GATC: variants seen among roughly 807,000 people sequenced by gnomAD.
GATC encodes the protein glutamyl-tRNA amidotransferase subunit C.
In GATC, 11 loss-of-function variants were observed where a neutral mutation model predicts 14.4. That is an observed-to-expected ratio of 0.77 (90% CI 0.48 to 1.27). The LOEUF (loss-of-function observed/expected upper bound fraction) is 1.27. Ranked by LOEUF, GATC falls within the 50% of genes most tolerant of loss-of-function variation. The probability of loss-of-function intolerance (pLI) is 0.00; values close to 1 mark genes in which losing one functional copy is unlikely to be tolerated. For synonymous variants in GATC, 76 were observed against 79.3 expected (o/e 0.96, Z 0.22); for missense variants, 204 against 183.0 (o/e 1.11, Z -0.66).
intron 2 of GATC, among the ~76,000 whole-genome samples, chr12:120,451,468 G>A (rs956870503): frequency 2.7e-5 from 4 of 148,600 alleles, no homozygotes; most frequent in Admixed American, 1.4e-4. Context: ...AAGGCTGGGC[G>A]TGGTGTTTCA....
chr12:120,457,851 C>A (rs1878229221), intron 3 of GATC, among the ~76,000 whole-genome samples: 1 of 152,128 alleles, frequency 6.6e-6, no homozygotes, highest in South Asian at 2.1e-4. Context: ...AGGTGATCCA[C>A]CCACCTCGGC....
At chr12:120,456,955 G>T (rs1878200920) in intron 2 of GATC, 121 bp from the exon 3 acceptor site, 2 of 680,602 alleles carry the variant, frequency 2.9e-6, no homozygotes, top group Non-Finnish European at 5.3e-6. Flanking sequence ...CTCTATCTTT[G>T]AACAGTGCCC....
At chr12:120,452,438 T>C (rs1592984624) in intron 2 of GATC, among the ~76,000 whole-genome samples, 3 of 152,170 alleles carry the variant, frequency 2.0e-5, no homozygotes, top group Admixed American at 2.0e-4. Flanking sequence ...AGCCAAATAC[T>C]TAAATGTCCC....
rs913077374 is a variant in GATC, at chr12:120,457,071, T to C, written c.255-5T>C. The C allele has an allele frequency of 2.5e-6, 4 of 1,606,842 alleles. No individual in the cohort carries two copies. Among genetic ancestry groups the C allele is most frequent in the Non-Finnish European group, 1.7e-6 (2 of 1,173,516 alleles). ...AGGGTAACCTTGAGCTTCTGGGTTT[T>C]GTAGATGTCTATACCTGAGATCCGA... is the stretch of plus-strand genomic sequence containing the variant. On this transcript the variant is annotated splice_polypyrimidine_tract_variant and splice_region_variant and intron_variant, in intron 2 of 3. Coordinates refer to ENST00000551765, the MANE Select transcript of GATC (RefSeq NM_176818.3).
At chr12:120,453,890 A>G (rs532051704) in intron 2 of GATC, among the ~76,000 whole-genome samples, 1 of 152,200 alleles carries the variant, frequency 6.6e-6, no homozygotes, top group Non-Finnish European at 1.5e-5. Context: ...CTATTTTAGG[A>G]ACAACTCCAT....
At chr12:120,446,949 C>T in intron 2 of GATC, 120 bp downstream of exon 2, 1 of 883,392 alleles carries the variant, frequency 1.1e-6, no homozygotes, top group Non-Finnish European at 1.7e-6. Flanking sequence ...CAGGAACTTG[C>T]CCACAGTCAC....
intron 2 of GATC, among the ~76,000 whole-genome samples, chr12:120,451,876 T>TTTTTTTTC (rs1878058144): frequency 1.9e-5 from 2 of 105,680 alleles, no homozygotes; most frequent in African/African-American, 3.7e-5. Flanking sequence ...ATATAAATTC[T>TTTTTTTTC]TTTTTTTTTT....
chr12:120,446,840 G>A lies in GATC; in HGVS notation c.254+11G>A. 1.3e-6 allele frequency: 2 copies of A among 1,584,774 alleles called. No homozygotes were observed. Among genetic ancestry groups the A allele is most frequent in the Non-Finnish European group, 1.7e-6 (2 of 1,161,184 alleles). On this transcript the variant is annotated intron_variant, in intron 2 of 3. Coordinates refer to ENST00000551765, the MANE Select transcript of GATC (RefSeq NM_176818.3). ...GGTCCTGGAGGACAGGTAAACTCGC[G>A]GCTGCAGCCCCGAAGCCTTGACCGT...
At chr12:120,451,875 C>CTTTTTTTTAATTTTTTTTT (rs1878056178) in intron 2 of GATC, among the ~76,000 whole-genome samples, 1 of 90,794 alleles carries the variant, frequency 1.1e-5, no homozygotes, top group Non-Finnish European at 2.3e-5. Flanking sequence ...TATATAAATT[C>CTTTTTTTTAATTTTTTTTT]TTTTTTTTTT....
intron 3 of GATC, among the ~76,000 whole-genome samples, chr12:120,459,638 C>T (rs556789116): frequency 4.6e-5 from 7 of 152,232 alleles, no homozygotes; most frequent in Admixed American, 2.0e-4. Flanking sequence ...GGGCGGATCA[C>T]GAGGTCAGGA....
chr12:120,447,526 T>A (rs1012474901), intron 2 of GATC, among the ~76,000 whole-genome samples: 1 of 152,114 alleles, frequency 6.6e-6, no homozygotes, highest in African/African-American at 2.4e-5. Flanking sequence ...TTCGTTTTTT[T>A]CCTTCCTCTC....
In GATC at chr12:120,461,994, A is replaced by G. The variant is rs758851796; in HGVS notation, c.*2035A>G. 1.3e-6 allele frequency: 2 copies of G among 1,586,456 alleles called. No individual in the cohort carries two copies. Among genetic ancestry groups the G allele is most frequent in the Admixed American group, 1.8e-5 (1 of 56,148 alleles). ...AAGCAGCTCAGTTAACCTAAAAAAT[A>G]AAGAAAAAATTCCCATCACCTGTCT... is the stretch of plus-strand genomic sequence containing the variant. On this transcript the variant is annotated 3_prime_UTR_variant, in exon 4 of 4. Transcript: ENST00000551765.
Position 120,446,660 on chromosome 12 carries a change from A to C in GATC, c.85A>C (p.Ser29Arg). Residue 29 changes from serine (S) to arginine (R), a missense_variant, in exon 2 of 4, where the codon AGT becomes CGT. Physicochemically the swap from Ser to Arg is moderately radical, Grantham distance 110. Transcript: ENST00000551765. ...CCCCGCCTCATCCCTCCTCCAGGGC[A>C]GTGGCCGGATCACGGCTGCGGTGAT... ...GFTSKADPQG[S>R]GRITAAVIEH... 6.2e-7 allele frequency: 1 copy of C among 1,611,090 alleles called. No individual in the cohort carries two copies. The highest frequency in any genetic ancestry group is 8.5e-7 in the Non-Finnish European group (1 of 1,178,628).
rs191564919 is a variant in GATC at position 120,458,244 on chromosome 12, A to G, written c.358+1065A>G. ...GCTGGGATTACAGGTGCCTGCCACC[A>G]TGCCTGGCTAATATTTTTGTATTTT... On this transcript the variant is annotated intron_variant, in intron 3 of 3. Transcript: ENST00000551765. 3.3e-5 allele frequency among the ~76,000 whole-genome samples: 5 copies of G among 151,868 alleles called. No individual in the cohort carries two copies. The East Asian group carries it at 9.7e-4, about 29-fold the overall frequency.
intron 3 of GATC, among the ~76,000 whole-genome samples, chr12:120,457,503 C>T (rs1402180293): frequency 1.3e-5 from 2 of 151,826 alleles, no homozygotes; most frequent in African/African-American, 4.8e-5. Flanking sequence ...ATCCTGTAAT[C>T]GACTCCAACT....
intron 2 of GATC, among the ~76,000 whole-genome samples, chr12:120,455,579 A>G (rs941334480): frequency 6.6e-6 from 1 of 152,158 alleles, no homozygotes; most frequent in Non-Finnish European, 1.5e-5. Flanking sequence ...ACAGACTTCA[A>G]CTTTCTAATA....
chr12:120,450,099 C>T (rs546354659), intron 2 of GATC, among the ~76,000 whole-genome samples: 10 of 152,106 alleles, frequency 6.6e-5, no homozygotes, highest in African/African-American at 2.4e-4. Flanking sequence ...AAAGGAGGGA[C>T]TAGAAGCACA....
intron 2 of GATC, chr12:120,454,991 G>A (rs1176208362): frequency 1.1e-5 from 5 of 451,750 alleles, no homozygotes; most frequent in African/African-American, 1.0e-4. Flanking sequence ...ACATTCAAGT[G>A]ATTCTTGTGC....
chr12:120,450,338 GAAC>G (rs1878004620), intron 2 of GATC: 1 of 152,268 alleles, frequency 6.6e-6, no homozygotes, highest in Non-Finnish European at 1.5e-5. Flanking sequence ...TTAATGCTTT[GAAC>G]ACACAGAATG....
Sources: allele counts gnomAD v4.1 joint callset (sites outside exome capture counted in the v4.1 genomes callset), GRCh38; gene constraint gnomAD v4.1.1; transcripts MANE v1.5; gene names NCBI Gene and HGNC (gene_info 2026-07-23, HGNC 2026-07-21).